The following SHANK1 variants were observed in gnomAD, a reference collection of about 807,000 sequenced individuals.
SHANK1 encodes SH3 and multiple ankyrin repeat domains protein 1.
Under a neutral mutation model 165.6 loss-of-function variants are expected in SHANK1, and 35 were observed. The observed-to-expected ratio is 0.21, with a 90% CI of 0.16 to 0.28. The LOEUF is 0.28. Ranked by LOEUF, SHANK1 falls within the 10% of genes least tolerant of loss-of-function variation. The probability of loss-of-function intolerance (pLI) is 1.00; values close to 1 mark genes in which losing one functional copy is unlikely to be tolerated. For synonymous variants in SHANK1, 1,428 were observed against 1,384.8 expected, an observed-to-expected ratio of 1.03 and a Z score of -0.69; for missense variants, 2,681 against 3,036.4, an observed-to-expected ratio of 0.88 and a Z score of 2.75.
In SHANK1 at chr19:50,712,028, G is replaced by A. The variant is rs2089016163; in HGVS notation, c.879C>T (p.Asp293=). Residue 293 remains aspartate, a synonymous_variant, in exon 7 of 24, where the codon GAC becomes GAT. Transcript: ENST00000293441. ...PLFHTAMVGG[D]PRCCELLLFN... ...ACAGGAGCAGCTCGCAGCATCGGGG[G>A]TCACCACCCACCATGGCCGTGTGGA... is the stretch of plus-strand genomic sequence containing the variant. The A allele has an allele frequency of 6.2e-7, 1 of 1,613,988 alleles. No homozygotes were observed. Among genetic ancestry groups the A allele is most frequent in the South Asian group, 1.1e-5 (1 of 91,092 alleles).
In SHANK1 at chr19:50,713,737, A is replaced by G; in HGVS notation, c.792+61T>C. On this transcript the variant is annotated intron_variant, in intron 6 of 23. Coordinates refer to ENST00000293441, the MANE Select transcript of SHANK1 (RefSeq NM_016148.5). This position sits in a 1 kb window ranked among gnomAD's most constrained non-coding sequence, Gnocchi z 6.2. ...AAACCAAAGAACTGAGGTTTGAGAA[A>G]GAACAAAGGGAAAAGGAGAGAGGGC... 1 of 1,594,708 alleles carries G rather than the reference A, an allele frequency of 6.3e-7. No individual in the cohort carries two copies. Among genetic ancestry groups the G allele is most frequent in the African/African-American group, 1.3e-5 (1 of 74,364 alleles).
chr19:50,675,998 A>G (rs774700096), intron 21 of SHANK1, among the ~76,000 whole-genome samples: 1 of 152,064 alleles, frequency 6.6e-6, no homozygotes, highest in Non-Finnish European at 1.5e-5. Context: ...TTCATCTAAA[A>G]TAAAATAGAA....
chr19:50,710,774 G>A (rs550966114), intron 8 of SHANK1, among the ~76,000 whole-genome samples: 4 of 152,220 alleles, frequency 2.6e-5, no homozygotes, highest in South Asian at 2.1e-4. Context: ...GGGGCTGCAC[G>A]TTGGCCTTTC....
chr19:50,668,939 GT>G lies in SHANK1; in HGVS notation c.3020del (p.His1007ProfsTer336). 1 of 451,394 alleles carries G rather than the reference GT, an allele frequency of 2.2e-6. No homozygotes were observed. The highest frequency in any genetic ancestry group is 3.8e-6 in the Non-Finnish European group (1 of 265,794). The allele number at this position is 451,394 out of a possible 1,614,324, so 28.0% of individuals were successfully genotyped here. A position where few individuals can be genotyped will look rare whatever the true frequency, so the allele number is the denominator to read the frequency against. On this transcript the variant is annotated frameshift_variant, in exon 23 of 24. Coordinates refer to ENST00000293441, the MANE Select transcript of SHANK1 (RefSeq NM_016148.5). LOFTEE classifies it high-confidence loss of function. ...GGTGGTGGGGCTGAGGGGGCGGGGC[GT>G]GGTGGTGGTGGTGGTGGGGCGGGTG... Reference protein sequence around the residue: ...HHHPPHHHHHHAPPPQPHHHH... With the variant: ...HHHPPHHHHHXAPPPQPHHHH...
Position 50,717,726 on chromosome 19 carries a change from T to C in SHANK1, c.-43-764A>G, listed in dbSNP as rs2089085776. ...CTGGGGAGTGCTGTCCAGGTGACAG[T>C]GGTGTGGTGGCCCGGGTAGATGTGG... On this transcript the variant is annotated intron_variant, in intron 1 of 23. Coordinates refer to ENST00000293441, the MANE Select transcript of SHANK1 (RefSeq NM_016148.5). This position sits in a 1 kb window ranked among gnomAD's most constrained non-coding sequence, Gnocchi z 5.5. 1.3e-5 allele frequency among the ~76,000 whole-genome samples: 2 copies of C among 151,610 alleles called. No homozygotes were observed. Among genetic ancestry groups the C allele is most frequent in the African/African-American group, 4.9e-5 (2 of 41,220 alleles).
chr19:50,687,157 T>A, intron 19 of SHANK1: 1 of 557,340 alleles, frequency 1.8e-6, no homozygotes, highest in Non-Finnish European at 3.1e-6. Context: ...CGGTCAGCTG[T>A]CCGACCAGCC....
intron 12 of SHANK1, among the ~76,000 whole-genome samples, chr19:50,699,110 A>T (rs1162004658): frequency 6.6e-6 from 1 of 152,234 alleles, no homozygotes; most frequent in Non-Finnish European, 1.5e-5. Context: ...CCTTGAGAGC[A>T]TCTGGGGAGA....
chr19:50,711,222 A>C, intron 8 of SHANK1, 149 bp downstream of exon 8: 1 of 594,504 alleles, frequency 1.7e-6, no homozygotes, highest in Non-Finnish European at 3.0e-6. Context: ...GGATGGAGGA[A>C]TGAATGGAGG....
intron 12 of SHANK1, among the ~76,000 whole-genome samples, chr19:50,699,904 G>A (rs1189876377): frequency 7.0e-6 from 1 of 143,156 alleles, no homozygotes. Flanking sequence ...GGGCATTGGA[G>A]GATTGGAGGG....
Position 50,718,129 on chromosome 19 carries a change from G to T in SHANK1, c.-43-1167C>A, listed in dbSNP as rs1270009451. 6.6e-6 allele frequency among the ~76,000 whole-genome samples: 1 copy of T among 152,178 alleles called. No individual in the cohort carries two copies. Among genetic ancestry groups the T allele is most frequent in the Non-Finnish European group, 1.5e-5 (1 of 68,022 alleles). On this transcript the variant is annotated intron_variant, in intron 1 of 23. Transcript: ENST00000293441. The surrounding 1 kb of genome is among the most constrained non-coding windows in gnomAD (Gnocchi z 5.1). The stretch of plus-strand genomic sequence containing the variant: ...GACTTTGGGGGAGTGGGGATGGGCT[G>T]GGGGGTTGGGAAAGGGAAGACTAAA...
rs1986771143 is a variant in SHANK1 at position 50,697,247 on chromosome 19, C to T, written c.1938-125G>A. On this transcript the variant is annotated intron_variant, in intron 14 of 23. Coordinates refer to ENST00000293441, the MANE Select transcript of SHANK1 (RefSeq NM_016148.5). This position sits in a 1 kb window ranked among gnomAD's most constrained non-coding sequence, Gnocchi z 4.7. Reference sequence around the variant, plus strand: ...ACCGGTGCATGGGACACACACATTCCCACTGCACATGACTGCACAGAGATG... The same window carrying T: ...ACCGGTGCATGGGACACACACATTCTCACTGCACATGACTGCACAGAGATG... 1.4e-6 allele frequency: 2 copies of T among 1,385,326 alleles called. No individual in the cohort carries two copies. The highest frequency in any genetic ancestry group is 2.3e-5 in the East Asian group (1 of 43,666). The allele number at this position is 1,385,326 out of a possible 1,614,324, so 85.8% of individuals were successfully genotyped here. A position where few individuals can be genotyped will look rare whatever the true frequency, so the allele number is the denominator to read the frequency against.
intron 21 of SHANK1, among the ~76,000 whole-genome samples, chr19:50,674,534 T>C (rs1985913359): frequency 6.6e-6 from 1 of 152,150 alleles, no homozygotes; most frequent in African/African-American, 2.4e-5. Context: ...TTCCCTGGGC[T>C]CTGGGCTCTG....
At chr19:50,707,388 T>C (rs2088952833) in intron 8 of SHANK1, among the ~76,000 whole-genome samples, 1 of 152,120 alleles carries the variant, frequency 6.6e-6, no homozygotes, top group Admixed American at 6.5e-5. Flanking sequence ...GATGCTAATT[T>C]AACCACCATT....
In SHANK1 at chr19:50,662,232, C is replaced by T. The variant is rs752181137; in HGVS notation, c.6219G>A (p.Ser2073=). 40 of 1,609,692 alleles carry T rather than the reference C, an allele frequency of 2.5e-5. No homozygotes were observed. Among genetic ancestry groups the T allele is most frequent in the South Asian group, 3.3e-5 (3 of 90,658 alleles). ...GGLGGALSGA[S]RSLSPTRLLS... ...GCAGGCGGGTCGGTGAGAGGGAGCG[C>T]GAGGCCCCTGACAAGGCTCCCCCGA... Residue 2073 remains serine, a synonymous_variant, in exon 24 of 24, where the codon TCG becomes TCA. Coordinates refer to ENST00000293441, the MANE Select transcript of SHANK1 (RefSeq NM_016148.5). This position sits in a 1 kb window ranked among gnomAD's most constrained non-coding sequence, Gnocchi z 7.7.
rs1161424994 is a variant in SHANK1 at position 50,661,199 on chromosome 19, C to T, written c.*766G>A. On this transcript the variant is annotated 3_prime_UTR_variant, in exon 24 of 24. Transcript: ENST00000293441. ...GTGTGTCTGCAACAAGGGTCCAGAG[C>T]GAGCGGGGAGGAGGAGATGTGAAAT... Among the ~76,000 whole-genome samples the T allele has an allele frequency of 3.3e-5, 5 of 151,724 alleles. No individual in the cohort carries two copies. The South Asian group carries it at 8.3e-4, about 25-fold the overall frequency.
At chr19:50,665,800 A>G (rs1985472442) in intron 23 of SHANK1, among the ~76,000 whole-genome samples, 1 of 149,014 alleles carries the variant, frequency 6.7e-6, no homozygotes, top group African/African-American at 2.5e-5. Context: ...TTGGGAGGCC[A>G]AGGCGGATGG....
Position 50,718,834 on chromosome 19 carries a change from G to A in SHANK1, c.-44+572C>T, listed in dbSNP as rs1337395175. Among the ~76,000 whole-genome samples, 3 of 149,908 alleles carry A rather than the reference G, an allele frequency of 2.0e-5. No homozygotes were observed. Among genetic ancestry groups the A allele is most frequent in the Non-Finnish European group, 4.5e-5 (3 of 67,094 alleles). On this transcript the variant is annotated intron_variant, in intron 1 of 23. Transcript: ENST00000293441. The surrounding 1 kb of genome is among the most constrained non-coding windows in gnomAD (Gnocchi z 5.1). ...AGGGGCGGGGGGCACCGGGGAGCAGGAGTCGGGGGCGGGAGCCGAGGGGGC... is the reference window on the plus strand; with the variant it reads ...AGGGGCGGGGGGCACCGGGGAGCAGAAGTCGGGGGCGGGAGCCGAGGGGGC...
chr19:50,683,513 TA>T, intron 21 of SHANK1, among the ~76,000 whole-genome samples: 1 of 152,224 alleles, frequency 6.6e-6, no homozygotes, highest in South Asian at 2.1e-4. Flanking sequence ...TTCTCTAACA[TA>T]CGTATTTTCT....
At position 50,666,425 on chromosome 19, in the gene SHANK1, G is replaced by A. The variant is rs1211593330; in HGVS notation, c.5535C>T (p.Gly1845=). ...RKLLPWEEGP[G]PPPPPLPGPL... Reference sequence around the variant, plus strand: ...GCCCGGGCAGAGGTGGTGGCGGTGGGCCCGGGCCCTCCTCCCAGGGCAGCA... The same window carrying A: ...GCCCGGGCAGAGGTGGTGGCGGTGGACCCGGGCCCTCCTCCCAGGGCAGCA... The change falls in exon 23 of 24, where the codon GGC becomes GGT. Residue 1845 remains glycine (G), a synonymous_variant. Transcript: ENST00000293441. 6.2e-7 allele frequency: 1 copy of A among 1,610,668 alleles called. No individual in the cohort carries two copies. Among genetic ancestry groups the A allele is most frequent in the Non-Finnish European group, 8.5e-7 (1 of 1,179,080 alleles).
Sources: gnomAD v4.1 joint callset for allele counts (sites outside exome capture counted in the v4.1 genomes callset) on GRCh38, gnomAD v4.1.1 for gene constraint, Gnocchi (gnomAD v3.1) non-coding constraint, MANE v1.5 for transcripts, NCBI Gene and HGNC (gene_info 2026-07-23, HGNC 2026-07-21) for gene names.